The following SETD5 variants were observed in gnomAD, a reference collection of about 807,000 sequenced individuals.
The protein encoded by SETD5 is histone-lysine N-methyltransferase SETD5.
Under a neutral mutation model 153.3 loss-of-function variants are expected in SETD5, and 44 were observed. The observed-to-expected ratio is 0.29, with a 90% CI of 0.23 to 0.37. The LOEUF is 0.37. Among genes scored for constraint, SETD5 ranks in the 10% least tolerant of loss-of-function variants. The pLI is 1.00. For synonymous variants in SETD5, 716 were observed against 645.2 expected, an observed-to-expected ratio of 1.11 and a Z score of -1.66; for missense variants, 1,544 against 1,768.0, an observed-to-expected ratio of 0.87 and a Z score of 2.27.
At chr3:9,435,499 C>T (rs184745808) in intron 6 of SETD5, among the ~76,000 whole-genome samples, 1 of 152,238 alleles carries the variant, frequency 6.6e-6, no homozygotes, top group Admixed American at 6.5e-5. Flanking sequence ...GGACTGAATA[C>T]AAGGGGAGAA....
intron 17 of SETD5, among the ~76,000 whole-genome samples, chr3:9,454,617 C>T (rs1446322785): frequency 3.0e-5 from 3 of 99,198 alleles, no homozygotes; most frequent in South Asian, 6.4e-4. Context: ...AATGAAACTC[C>T]GTCTCAAAAA....
chr3:9,473,480 A>G lies in SETD5; in HGVS notation c.3440A>G (p.Asp1147Gly). 1 of 1,613,912 alleles carries G rather than the reference A, an allele frequency of 6.2e-7. No homozygotes were observed. Among genetic ancestry groups the G allele is most frequent in the African/African-American group, 1.3e-5 (1 of 75,046 alleles). Residue 1147 changes from aspartate to glycine, a missense_variant, in exon 20 of 23, where the codon GAT (aspartate) becomes GGT (glycine). By Grantham distance (94) the Asp-to-Gly change is moderately conservative. Coordinates refer to ENST00000402198, the MANE Select transcript of SETD5 (RefSeq NM_001080517.3). ...MSHLEAVSPS[D>G]SRGTSSSHCR... ...CATTTGGAGGCGGTAAGCCCATCAG[A>G]TTCCAGAGGCACTTCTTCATCTCAC...
In SETD5 at chr3:9,464,597, T is replaced by C; in HGVS notation, c.2649T>C (p.Asn883=). 1 of 1,613,966 alleles carries C rather than the reference T, an allele frequency of 6.2e-7. No individual in the cohort carries two copies. The highest frequency in any genetic ancestry group is 8.5e-7 in the Non-Finnish European group (1 of 1,179,888). The change falls in exon 18 of 23, where the codon AAT becomes AAC. Residue 883 remains asparagine (N), a synonymous_variant. Transcript: ENST00000402198. ...SSHPGEEECR[N]GYSLMFSPVT... ...ACCCAGGAGAAGAGGAGTGTCGAAA[T>C]GGATACAGCCTCATGTTTTCACCAG...
At chr3:9,451,069 C>T (rs1475292224) in intron 16 of SETD5, among the ~76,000 whole-genome samples, 1 of 152,150 alleles carries the variant, frequency 6.6e-6, no homozygotes, top group African/African-American at 2.4e-5. Context: ...AGTAGTGTTT[C>T]ACCTTGTTCT....
Position 9,442,375 on chromosome 3 carries a change from G to A in SETD5, c.1077+130G>A, listed in dbSNP as rs1211327714. ...GTCGTGATATTTCATCGTGGGAGGT[G>A]AAAAACAAAAGTAATGGTGCTTTTA... On this transcript the variant is annotated intron_variant, in intron 10 of 22. Transcript: ENST00000402198. The A allele has an allele frequency of 2.0e-5, 14 of 684,274 alleles. No homozygotes were observed. The Admixed American group carries it at 2.8e-4, about 14-fold the overall frequency. The allele number at this position is 684,274 out of a possible 1,614,324, so 42.4% of individuals were successfully genotyped here.
intron 18 of SETD5, chr3:9,468,479 G>A (rs753413178): frequency 1.8e-5 from 23 of 1,299,722 alleles, no homozygotes; most frequent in South Asian, 9.9e-5. Context: ...TCTTGACTTC[G>A]AGTAGATGAA....
At chr3:9,405,612 T>A (rs574945802) in intron 1 of SETD5, among the ~76,000 whole-genome samples, 26 of 152,360 alleles carry the variant, frequency 1.7e-4, no homozygotes, top group African/African-American at 6.3e-4. Flanking sequence ...AACTGAGTAA[T>A]CTAATAAGGT....
At chr3:9,414,395 G>GTGT (rs201508429) in intron 1 of SETD5, among the ~76,000 whole-genome samples, 2 of 152,144 alleles carry the variant, frequency 1.3e-5, no homozygotes, top group Non-Finnish European at 2.9e-5. Flanking sequence ...GTGTGTGTGT[G>GTGT]TGTTGTTGTT....
intron 2 of SETD5, among the ~76,000 whole-genome samples, chr3:9,425,774 C>T (rs1308628061): frequency 2.6e-5 from 4 of 152,042 alleles, no homozygotes; most frequent in Non-Finnish European, 4.4e-5. Flanking sequence ...TAGGGTTTCA[C>T]CGTGAAACCA....
At chr3:9,422,909 A>G (rs2124941147) in intron 1 of SETD5, among the ~76,000 whole-genome samples, 1 of 152,314 alleles carries the variant, frequency 6.6e-6, no homozygotes, top group South Asian at 2.1e-4. Flanking sequence ...CCTCAATACA[A>G]AGACTGTCTG....
At position 9,441,610 on chromosome 3, in the gene SETD5, C is replaced by A; in HGVS notation, c.828C>A (p.Val276=). The change falls in exon 9 of 23, where the codon GTC becomes GTA. Residue 276 remains valine (V), a synonymous_variant. Transcript: ENST00000402198. ...TTATTCAGTTACAGCTGGGAAGAGT[C>A]ACTCGTGTTCAAAAGCACCGGAAGA... The part of the protein sequence containing the change: ...GSQMQLQLGR[V]TRVQKHRKIL... 6.2e-7 allele frequency: 1 copy of A among 1,613,822 alleles called. No individual in the cohort carries two copies. Among genetic ancestry groups the A allele is most frequent in the African/African-American group, 1.3e-5 (1 of 74,998 alleles).
chr3:9,443,729 CTGT>C (rs1217688876), intron 11 of SETD5, among the ~76,000 whole-genome samples: 2 of 152,156 alleles, frequency 1.3e-5, no homozygotes, highest in African/African-American at 4.8e-5. Context: ...CAATAGCATC[CTGT>C]TGTTATGCAC....
chr3:9,423,013 T>G lies in SETD5; in HGVS notation c.-176-1454T>G, dbSNP rs545617691. Among the ~76,000 whole-genome samples, 8 of 152,386 alleles carry G rather than the reference T, an allele frequency of 5.2e-5. No individual in the cohort carries two copies. The South Asian group carries it at 1.7e-3, about 32-fold the overall frequency. ...CTGAAGCAGACTTGTTCTGAATTTCTTTCGTTGGATTGGTTGTTTATTGGA... is the reference window on the plus strand; with the variant it reads ...CTGAAGCAGACTTGTTCTGAATTTCGTTCGTTGGATTGGTTGTTTATTGGA... On this transcript the variant is annotated intron_variant, in intron 1 of 22. Transcript: ENST00000402198.
At chr3:9,454,265 A>C (rs748771235) in intron 17 of SETD5, among the ~76,000 whole-genome samples, 1 of 152,184 alleles carries the variant, frequency 6.6e-6, no homozygotes. Context: ...TGAATGAAAT[A>C]AGTGAAAAAT....
chr3:9,443,687 T>C (rs2041580800), intron 11 of SETD5, among the ~76,000 whole-genome samples: 2 of 152,216 alleles, frequency 1.3e-5, no homozygotes, highest in African/African-American at 4.8e-5. Context: ...AAAATGGATA[T>C]ATATGTATGT....
At chr3:9,445,988 T>TTTA (rs1260243657) in intron 13 of SETD5, among the ~76,000 whole-genome samples, 5 of 145,612 alleles carry the variant, frequency 3.4e-5, no homozygotes, top group Admixed American at 6.8e-5. Context: ...TTTTTTTTTT[T>TTTA]ACTAACAATC....
intron 14 of SETD5, 118 bp from the exon 15 acceptor site, chr3:9,447,568 G>A: frequency 9.1e-6 from 11 of 1,213,756 alleles, no homozygotes; most frequent in Non-Finnish European, 1.3e-5. Flanking sequence ...TTAAATTAGT[G>A]TTTCTAATCC....
rs145375575 is a variant in SETD5 at position 9,447,937 on chromosome 3, C to A, written c.2034C>A (p.Asp678Glu). The change falls in exon 15 of 23, where the codon GAC becomes GAA. Residue 678 changes from aspartate to glutamate, a missense_variant. This residue lies in a region of SETD5 where 782 missense variants were observed against 787.2 expected (regional missense o/e 0.99). Coordinates refer to ENST00000402198, the MANE Select transcript of SETD5 (RefSeq NM_001080517.3). ...SGENRPLTGS[D>E]PTVVSITGSH... ...AAAACAGGCCATTAACAGGGTCTGACCCAACTGTGGTGTCAATTACTGGAT... is the reference window on the plus strand; with the variant it reads ...AAAACAGGCCATTAACAGGGTCTGAACCAACTGTGGTGTCAATTACTGGAT... 6.2e-7 allele frequency: 1 copy of A among 1,613,800 alleles called. No individual in the cohort carries two copies. Among genetic ancestry groups the A allele is most frequent in the African/African-American group, 1.3e-5 (1 of 74,906 alleles).
At chr3:9,438,072 G>T (rs539449779) in intron 7 of SETD5, among the ~76,000 whole-genome samples, 5 of 152,116 alleles carry the variant, frequency 3.3e-5, no homozygotes, top group East Asian at 3.9e-4. Context: ...AGTGTGACTG[G>T]TGTTAGCAAA....
Sources: gnomAD v4.1 joint callset for allele counts (sites outside exome capture counted in the v4.1 genomes callset) on GRCh38, gnomAD v4.1.1 for gene constraint, gnomAD v4.1.1 regional missense constraint, MANE v1.5 for transcripts, NCBI Gene and HGNC (gene_info 2026-07-23, HGNC 2026-07-21) for gene names.